SORCS3: variants seen among roughly 807,000 people sequenced by gnomAD.
SORCS3 encodes the protein VPS10 domain-containing receptor SorCS3.
SORCS3 carries 57 observed loss-of-function variants against 146.3 expected under a neutral mutation model. The ratio of observed to expected loss-of-function variants is 0.39; its 90% confidence interval spans 0.31 to 0.49. The LOEUF is 0.49. Among genes scored for constraint, SORCS3 ranks in the 20% least tolerant of loss-of-function variants. The pLI, the probability that SORCS3 is intolerant of heterozygous loss-of-function variation, is 0.92. For missense variants in SORCS3, 1,341 were observed against 1,575.5 expected (o/e 0.85, Z 2.52); for synonymous variants, 653 against 618.5 (o/e 1.06, Z -0.83).
chr10:104,963,792 C>T lies in SORCS3; in HGVS notation c.796-13543C>T, dbSNP rs372846901. On this transcript the variant is annotated intron_variant, in intron 3 of 26. Transcript: ENST00000369701. ...GTTTTTCTATCCATAAGTGTTAATT[C>T]CACTTTCCCAGTTGTTCAGGCCCCA... Among the ~76,000 whole-genome samples, 5 of 152,234 alleles carry T rather than the reference C, an allele frequency of 3.3e-5. No individual in the cohort carries two copies. The East Asian group carries it at 5.8e-4, about 18-fold the overall frequency.
intron 1 of SORCS3, among the ~76,000 whole-genome samples, chr10:104,787,830 T>C (rs1335097239): frequency 1.3e-5 from 2 of 152,156 alleles, no homozygotes; most frequent in African/African-American, 4.8e-5. Flanking sequence ...GCAGAGAAAT[T>C]ACAATTGTAA....
intron 14 of SORCS3, 59 bp downstream of exon 14, chr10:105,178,232 T>C (rs2056420300): frequency 5.8e-6 from 8 of 1,384,946 alleles, no homozygotes; most frequent in Non-Finnish European, 8.0e-6. Flanking sequence ...CTACTTTCAT[T>C]GAGGCCTTGG....
chr10:105,209,138 G>A (rs1006447703), intron 16 of SORCS3, among the ~76,000 whole-genome samples: 1 of 151,944 alleles, frequency 6.6e-6, no homozygotes, highest in Non-Finnish European at 1.5e-5. Context: ...TAATGCAATG[G>A]GATAATTTTT....
intron 6 of SORCS3, among the ~76,000 whole-genome samples, chr10:105,099,870 T>C (rs1213441254): frequency 6.6e-6 from 1 of 152,200 alleles, no homozygotes; most frequent in Non-Finnish European, 1.5e-5. Flanking sequence ...CCTGTCTCCA[T>C]CACTGGCATA....
chr10:104,871,275 C>A (rs1445796756), intron 2 of SORCS3, among the ~76,000 whole-genome samples: 1 of 152,082 alleles, frequency 6.6e-6, no homozygotes, highest in Non-Finnish European at 1.5e-5. Flanking sequence ...GTGACTTAGA[C>A]CTTGAAGGAT....
At chr10:105,134,260 G>T (rs2056042561) in intron 7 of SORCS3, among the ~76,000 whole-genome samples, 1 of 152,108 alleles carries the variant, frequency 6.6e-6, no homozygotes, top group Non-Finnish European at 1.5e-5. Flanking sequence ...ATTAAATTAG[G>T]TAATTTTCAT....
chr10:104,920,168 T>C (rs2019073257), intron 3 of SORCS3, among the ~76,000 whole-genome samples: 1 of 152,220 alleles, frequency 6.6e-6, no homozygotes, highest in African/African-American at 2.4e-5. Flanking sequence ...GATTTTTGAG[T>C]TCATCTTGTA....
chr10:104,750,017 G>A (rs928327995), intron 1 of SORCS3, among the ~76,000 whole-genome samples: 2 of 152,150 alleles, frequency 1.3e-5, no homozygotes, highest in Non-Finnish European at 2.9e-5. Context: ...ATCAGCATCA[G>A]ACACATTTTA....
chr10:105,074,838 GC>G (rs2133729076), intron 5 of SORCS3, among the ~76,000 whole-genome samples: 1 of 152,264 alleles, frequency 6.6e-6, no homozygotes, highest in African/African-American at 2.4e-5. Flanking sequence ...CAAAATGCAT[GC>G]CCCTAGCAGT....
intron 1 of SORCS3, among the ~76,000 whole-genome samples, chr10:104,841,335 G>C (rs2018137280): frequency 6.6e-6 from 1 of 152,144 alleles, no homozygotes; most frequent in Non-Finnish European, 1.5e-5. Context: ...CATGCCACTG[G>C]TGTGTGCTAT....
chr10:105,115,373 C>T (rs74157439), intron 7 of SORCS3, among the ~76,000 whole-genome samples: 3,719 of 152,170 alleles, frequency 0.024, 154 homozygotes, highest in African/African-American at 0.084. Context: ...AATCCACATG[C>T]AAAAATCAGC....
chr10:105,210,417 A>G (rs1241813854), intron 16 of SORCS3, among the ~76,000 whole-genome samples: 1 of 152,070 alleles, frequency 6.6e-6, no homozygotes, highest in African/African-American at 2.4e-5. Context: ...TACCTACTTT[A>G]TTGTTCTTCT....
chr10:104,801,959 T>G (rs1326654695), intron 1 of SORCS3, among the ~76,000 whole-genome samples: 1 of 152,194 alleles, frequency 6.6e-6, no homozygotes, highest in Non-Finnish European at 1.5e-5. Context: ...GGGAATTGTA[T>G]TCTCTGAGAC....
intron 5 of SORCS3, among the ~76,000 whole-genome samples, chr10:105,079,395 G>T (rs1358753298): frequency 6.6e-6 from 1 of 152,216 alleles, no homozygotes; most frequent in Admixed American, 6.5e-5. Flanking sequence ...CAGGGAATAT[G>T]TAGAGTGGAC....
rs187059925 is a variant in SORCS3, at chr10:104,838,745, G to C, written c.628-4047G>C. 5.3e-5 allele frequency among the ~76,000 whole-genome samples: 8 copies of C among 152,264 alleles called. No homozygotes were observed. In the East Asian group the frequency reaches 1.5e-3, roughly 29 times the overall value. ...GTAGTGTCACTGTAGCATAGAGGTGGGAAAGGAACCATGATGTGATGGAGC... is the reference window on the plus strand; with the variant it reads ...GTAGTGTCACTGTAGCATAGAGGTGCGAAAGGAACCATGATGTGATGGAGC... On this transcript the variant is annotated intron_variant, in intron 1 of 26. Coordinates refer to ENST00000369701, the MANE Select transcript of SORCS3 (RefSeq NM_014978.3).
At chr10:105,235,491 T>C (rs1199578754) in intron 20 of SORCS3, among the ~76,000 whole-genome samples, 2 of 151,678 alleles carry the variant, frequency 1.3e-5, no homozygotes, top group African/African-American at 4.8e-5. Context: ...TCTGGTTTTT[T>C]TTTTTTAAAC....
chr10:105,190,653 C>T (rs1229169273), intron 14 of SORCS3, among the ~76,000 whole-genome samples: 7 of 152,234 alleles, frequency 4.6e-5, no homozygotes, highest in Admixed American at 2.0e-4. Context: ...CTGCCCACCT[C>T]GGCCTCCCAA....
chr10:104,911,031 T>C (rs760685615), intron 2 of SORCS3, among the ~76,000 whole-genome samples: 2 of 152,232 alleles, frequency 1.3e-5, no homozygotes, highest in Non-Finnish European at 2.9e-5. Context: ...GAGCCTGTTT[T>C]CTCTAAGTGA....
intron 20 of SORCS3, among the ~76,000 whole-genome samples, chr10:105,236,636 A>G (rs921146014): frequency 2.6e-5 from 4 of 152,122 alleles, no homozygotes; most frequent in South Asian, 2.1e-4. Flanking sequence ...GGAAGACACA[A>G]TGTTTCTCTA....
Sources: allele counts gnomAD v4.1 joint callset (sites outside exome capture counted in the v4.1 genomes callset), GRCh38; gene constraint gnomAD v4.1.1; transcripts MANE v1.5; gene names NCBI Gene and HGNC (gene_info 2026-07-23, HGNC 2026-07-21).